The following ZNF804A variants were observed in gnomAD, a reference collection of about 807,000 sequenced individuals.
The protein encoded by ZNF804A is zinc finger protein 804A.
Under a neutral mutation model 16.5 loss-of-function variants are expected in ZNF804A, and 2 were observed. The ratio of observed to expected loss-of-function variants is 0.12; its 90% confidence interval spans 0.05 to 0.38. The LOEUF (loss-of-function observed/expected upper bound fraction) is 0.38, where lower values mean the gene tolerates loss of function less well. ZNF804A is among the 10% of genes least tolerant of loss of function. The pLI is 0.99. For synonymous variants in ZNF804A, 534 were observed against 489.6 expected (o/e 1.09, Z -1.20); for missense variants, 1,473 against 1,390.7 (o/e 1.06, Z -0.94).
chr2:184,843,589 A>G (rs538272619), intron 1 of ZNF804A, among the ~76,000 whole-genome samples: 8 of 152,212 alleles, frequency 5.3e-5, no homozygotes, highest in Middle Eastern at 3.4e-3. Context: ...ATCAACCTTT[A>G]GAGGAATTTG....
intron 3 of ZNF804A, 138 bp downstream of exon 3, chr2:184,933,871 G>A: frequency 1.3e-6 from 1 of 789,868 alleles, no homozygotes. Flanking sequence ...GCCTTCTGTA[G>A]GCTGTAAACA....
rs551393187 is a variant in ZNF804A at position 184,783,714 on chromosome 2, G to A, written c.112-82655G>A. ...TCTCTTTAATCTCTGGCAGAGCCAC[G>A]TATTCCACAGTGCCCTTTCCATAGC... On this transcript the variant is annotated intron_variant, in intron 1 of 3. Coordinates refer to ENST00000302277, the MANE Select transcript of ZNF804A (RefSeq NM_194250.2). Among the ~76,000 whole-genome samples the A allele has an allele frequency of 3.3e-5, 5 of 151,996 alleles. No homozygotes were observed. The South Asian group carries it at 8.3e-4, about 25-fold the overall frequency.
chr2:184,808,493 A>G (rs1694845214), intron 1 of ZNF804A, among the ~76,000 whole-genome samples: 1 of 151,688 alleles, frequency 6.6e-6, no homozygotes, highest in African/African-American at 2.4e-5. Context: ...AAAGCGAGAT[A>G]CAGACTTTAA....
intron 1 of ZNF804A, among the ~76,000 whole-genome samples, chr2:184,858,582 G>C (rs1261104194): frequency 6.6e-6 from 1 of 150,390 alleles, no homozygotes; most frequent in Non-Finnish European, 1.5e-5. Context: ...ACTCCATCTT[G>C]ACATGTATTT....
intron 1 of ZNF804A, among the ~76,000 whole-genome samples, chr2:184,752,238 A>G (rs373954717): frequency 6.6e-6 from 1 of 151,748 alleles, no homozygotes; most frequent in African/African-American, 2.4e-5. Flanking sequence ...CTAAGAGTCC[A>G]TCAACAGTTG....
chr2:184,659,988 G>A (rs774125943), intron 1 of ZNF804A, among the ~76,000 whole-genome samples: 29 of 152,108 alleles, frequency 1.9e-4, no homozygotes, highest in African/African-American at 5.8e-4. Context: ...TTGTGTACCC[G>A]TAGTTCCACC....
intron 1 of ZNF804A, among the ~76,000 whole-genome samples, chr2:184,734,619 A>G (rs997654187): frequency 1.3e-5 from 2 of 152,158 alleles, no homozygotes; most frequent in Non-Finnish European, 1.5e-5. Context: ...TTCCATGTGA[A>G]CTAGAAAAGA....
chr2:184,850,451 T>C (rs1695585295), intron 1 of ZNF804A, among the ~76,000 whole-genome samples: 1 of 151,914 alleles, frequency 6.6e-6, no homozygotes, highest in Non-Finnish European at 1.5e-5. Context: ...TACTATTGCA[T>C]AGGAAGTATA....
chr2:184,896,647 A>G (rs922638533), intron 2 of ZNF804A, among the ~76,000 whole-genome samples: 13 of 152,176 alleles, frequency 8.5e-5, no homozygotes, highest in African/African-American at 2.4e-4. Context: ...TTTCTCATAT[A>G]GACAAAACAC....
At chr2:184,670,668 G>T (rs1384346888) in intron 1 of ZNF804A, among the ~76,000 whole-genome samples, 1 of 151,888 alleles carries the variant, frequency 6.6e-6, no homozygotes, top group African/African-American at 2.4e-5. Context: ...TATTTGTATG[G>T]ATGTTATATT....
chr2:184,783,490 C>T (rs1694404315), intron 1 of ZNF804A, among the ~76,000 whole-genome samples: 1 of 151,816 alleles, frequency 6.6e-6, no homozygotes. Context: ...ATTTTTGTCT[C>T]TGTTAGACCA....
intron 1 of ZNF804A, among the ~76,000 whole-genome samples, chr2:184,647,821 A>G (rs1691908989): frequency 6.6e-6 from 1 of 152,232 alleles, no homozygotes; most frequent in Admixed American, 6.5e-5. Context: ...ATGTGAGTTA[A>G]TAATTCAAGG....
At chr2:184,934,477 C>T (rs1272960347) in intron 3 of ZNF804A, among the ~76,000 whole-genome samples, 4 of 151,976 alleles carry the variant, frequency 2.6e-5, no homozygotes, top group Admixed American at 6.6e-5. Flanking sequence ...GTTGACATAT[C>T]GAAACATTGT....
intron 1 of ZNF804A, among the ~76,000 whole-genome samples, chr2:184,667,890 T>G (rs1339391115): frequency 6.6e-6 from 1 of 151,864 alleles, no homozygotes. Flanking sequence ...TGTGTTTTCA[T>G]AATATCTTCA....
intron 1 of ZNF804A, among the ~76,000 whole-genome samples, chr2:184,677,148 CA>C (rs1380967313): frequency 1.3e-5 from 2 of 151,834 alleles, no homozygotes. Context: ...AACACGGAAT[CA>C]ATGTGCTTAA....
intron 1 of ZNF804A, among the ~76,000 whole-genome samples, chr2:184,806,259 A>C (rs927468990): frequency 1.3e-4 from 20 of 151,968 alleles, no homozygotes; most frequent in Non-Finnish European, 2.7e-4. Flanking sequence ...CAAAAATTTC[A>C]TACTCTTATA....
chr2:184,702,624 G>A (rs1692938015), intron 1 of ZNF804A, among the ~76,000 whole-genome samples: 1 of 151,904 alleles, frequency 6.6e-6, no homozygotes, highest in African/African-American at 2.4e-5. Context: ...AACTGATCTG[G>A]TTCATAATAA....
rs557950475 is a variant in ZNF804A, at chr2:184,747,781, G to A, written c.112-118588G>A. 6.6e-5 allele frequency among the ~76,000 whole-genome samples: 10 copies of A among 151,054 alleles called. No homozygotes were observed. The East Asian group carries it at 2.0e-3, about 29-fold the overall frequency. On this transcript the variant is annotated intron_variant, in intron 1 of 3. Transcript: ENST00000302277. ...TGATAGTGAGCATAGTACCCAATAG[G>A]TAGTTTCTCTGTGAACTCATTCCTC...
chr2:184,725,771 C>T (rs1693399390), intron 1 of ZNF804A, among the ~76,000 whole-genome samples: 3 of 151,514 alleles, frequency 2.0e-5, no homozygotes. Flanking sequence ...GATGCTACCC[C>T]TTTATCCCCT....
Sources: gnomAD v4.1 joint callset for allele counts (sites outside exome capture counted in the v4.1 genomes callset) on GRCh38, gnomAD v4.1.1 for gene constraint, MANE v1.5 for transcripts, NCBI Gene and HGNC (gene_info 2026-07-23, HGNC 2026-07-21) for gene names.